Variants in STARD9 observed in about 807,000 individuals in gnomAD.
The protein encoded by STARD9 is stAR-related lipid transfer protein 9.
Under a neutral mutation model 399.8 loss-of-function variants are expected in STARD9, and 346 were observed. The observed-to-expected ratio is 0.87, with a 90% CI of 0.79 to 0.95. STARD9 has a LOEUF of 0.95. Among genes scored for constraint, STARD9 ranks in the 40% least tolerant of loss-of-function variants. The probability of loss-of-function intolerance (pLI) is 0.00; values close to 1 mark genes in which losing one functional copy is unlikely to be tolerated. For missense variants in STARD9, 5,832 were observed against 5,667.5 expected (o/e 1.03, Z -0.93); for synonymous variants, 2,203 against 2,143.5 (o/e 1.03, Z -0.77).
chr15:42,715,627 T>C (rs2061335765), intron 26 of STARD9, among the ~76,000 whole-genome samples: 2 of 151,928 alleles, frequency 1.3e-5, no homozygotes, highest in South Asian at 2.1e-4. Context: ...CTCAAGCGAT[T>C]CTCTCAAGTA....
intron 3 of STARD9, among the ~76,000 whole-genome samples, chr15:42,611,516 C>T (rs1433214672): frequency 6.6e-6 from 1 of 152,198 alleles, no homozygotes; most frequent in Non-Finnish European, 1.5e-5. Flanking sequence ...GACAGAGACA[C>T]AGCTTACCCT....
rs1327721709 is a variant in STARD9 at position 42,691,820 on chromosome 15, A to G, written c.10242A>G (p.Ser3414=). Residue 3414 remains serine (S), a synonymous_variant, in exon 23 of 33, where the codon TCA becomes TCG. Transcript: ENST00000290607. ...TPPYPMPSTL[S]HMPTPDFTTS... ...CTTATCCAATGCCTTCCACTCTCTC[A>G]CACATGCCAACCCCTGATTTCACGA... 3.3e-6 allele frequency: 5 copies of G among 1,537,200 alleles called. No individual in the cohort carries two copies. The South Asian group carries it at 5.9e-5, about 18-fold the overall frequency.
intron 3 of STARD9, among the ~76,000 whole-genome samples, chr15:42,622,496 T>G (rs1239718631): frequency 6.6e-6 from 1 of 152,098 alleles, no homozygotes; most frequent in Non-Finnish European, 1.5e-5. Context: ...GACTCTTGAT[T>G]AGCTGGGACT....
chr15:42,582,835 T>C (rs1270199987), intron 1 of STARD9, among the ~76,000 whole-genome samples: 1 of 152,166 alleles, frequency 6.6e-6, no homozygotes, highest in Non-Finnish European at 1.5e-5. Context: ...GTTGGGATTG[T>C]ATGTGTGAGC....
chr15:42,621,106 A>T (rs916208680), intron 3 of STARD9, among the ~76,000 whole-genome samples: 3 of 152,196 alleles, frequency 2.0e-5, no homozygotes, highest in Admixed American at 2.0e-4. Context: ...CATTCAGATT[A>T]TGTATCCTTG....
chr15:42,713,217 T>C (rs2061283416), intron 26 of STARD9, among the ~76,000 whole-genome samples: 1 of 152,262 alleles, frequency 6.6e-6, no homozygotes, highest in African/African-American at 2.4e-5. Context: ...GGAATTGTTT[T>C]CACTTCATTT....
chr15:42,719,047 C>T, intron 32 of STARD9, 137 bp downstream of exon 32: 2 of 721,210 alleles, frequency 2.8e-6, no homozygotes, highest in East Asian at 2.7e-5. Flanking sequence ...TTGAGGGCTT[C>T]CTGGGCTTTT....
chr15:42,692,487 A>G lies in STARD9; in HGVS notation c.10909A>G (p.Thr3637Ala). 4 of 1,537,098 alleles carry G rather than the reference A, an allele frequency of 2.6e-6. No individual in the cohort carries two copies. Among genetic ancestry groups the G allele is most frequent in the Non-Finnish European group, 3.5e-6 (4 of 1,146,902 alleles). The stretch of plus-strand genomic sequence containing the variant: ...CCCTGTGGGACAGACCAGGACGAAC[A>G]CATTCGAACAGGGCACACAGACCCT... ...GCPVGQTRTN[T>A]FEQGTQTLGS... is the part of the protein sequence containing the mutation. The change falls in exon 23 of 33, where the codon ACA becomes GCA. Residue 3637 changes from threonine to alanine, a missense_variant. By Grantham distance (58) the Thr-to-Ala change is moderately conservative (BLOSUM62 0). Coordinates refer to ENST00000290607, the MANE Select transcript of STARD9 (RefSeq NM_020759.3).
chr15:42,575,832 C>T, intron 1 of STARD9, 70 bp downstream of exon 1: 3 of 1,463,324 alleles, frequency 2.1e-6, no homozygotes, highest in Non-Finnish European at 2.8e-6. Flanking sequence ...CCGCGTCTCC[C>T]CCTGCAGAGA....
intron 18 of STARD9, 63 bp downstream of exon 18, chr15:42,675,027 G>C: frequency 1.4e-6 from 2 of 1,421,446 alleles, no homozygotes; most frequent in Non-Finnish European, 1.8e-6. Flanking sequence ...AGTTTCATGG[G>C]CCCAAAGAGC....
At chr15:42,582,175 C>A (rs1464575254) in intron 1 of STARD9, among the ~76,000 whole-genome samples, 1 of 152,148 alleles carries the variant, frequency 6.6e-6, no homozygotes, top group Non-Finnish European at 1.5e-5. Context: ...TCTAAAGACC[C>A]CTGTCTCACT....
At chr15:42,612,124 T>A (rs1268565730) in intron 3 of STARD9, among the ~76,000 whole-genome samples, 2 of 152,148 alleles carry the variant, frequency 1.3e-5, no homozygotes, top group South Asian at 4.1e-4. Context: ...ACTACAAGCA[T>A]GTTCCACCAC....
At chr15:42,649,567 T>C (rs2059716073) in intron 7 of STARD9, among the ~76,000 whole-genome samples, 1 of 152,090 alleles carries the variant, frequency 6.6e-6, no homozygotes, top group Non-Finnish European at 1.5e-5. Flanking sequence ...AGTTACTTTT[T>C]TTTTTTTTTG....
chr15:42,709,993 G>T lies in STARD9; in HGVS notation c.13285-6684G>T, dbSNP rs79313070. On this transcript the variant is annotated intron_variant, in intron 26 of 32. Transcript: ENST00000290607. Reference sequence around the variant, plus strand: ...CATTATTAATTTCATTGTTCAACTTGTTCCAGCTTTAATTATTTGGAGTTC... The same window carrying T: ...CATTATTAATTTCATTGTTCAACTTTTTCCAGCTTTAATTATTTGGAGTTC... 9.6e-3 allele frequency among the ~76,000 whole-genome samples: 1,418 copies of T among 148,008 alleles called. 40 individuals carry two copies. The highest frequency in any genetic ancestry group is 0.084 in the South Asian group (394 of 4,688).
intron 6 of STARD9, 95 bp downstream of exon 6, chr15:42,638,182 C>A: frequency 9.1e-7 from 1 of 1,100,666 alleles, no homozygotes; most frequent in South Asian, 1.4e-5. Context: ...CCAGAGTCAC[C>A]ACAGGGATGG....
In STARD9 at chr15:42,688,726, A is replaced by G. The variant is rs555144614; in HGVS notation, c.7148A>G (p.Gln2383Arg). Reference protein sequence around the residue: ...PLVTGVEHQDQSTETRSHSPE... With the variant: ...PLVTGVEHQDRSTETRSHSPE... ...GTAACTGGAGTAGAGCATCAGGACC[A>G]GAGTACGGAGACCAGAAGCCACAGC... Residue 2383 changes from glutamine (Q) to arginine (R), a missense_variant, in exon 23 of 33, where the codon CAG (glutamine) becomes CGG (arginine). Physicochemically the swap from Gln to Arg is conservative, Grantham distance 43. Transcript: ENST00000290607. 3 of 1,537,792 alleles carry G rather than the reference A, an allele frequency of 2.0e-6. No individual in the cohort carries two copies. Among genetic ancestry groups the G allele is most frequent in the East Asian group, 2.4e-5 (1 of 40,916 alleles).
rs532581257 is a variant in STARD9, at chr15:42,667,234, G to T, written c.1317+1386G>T. Among the ~76,000 whole-genome samples the T allele has an allele frequency of 2.6e-5, 4 of 152,126 alleles. No homozygotes were observed. The East Asian group carries it at 7.7e-4, about 29-fold the overall frequency. The stretch of plus-strand genomic sequence containing the variant: ...GAGTCTCACCCTGTCACCCAGGCTG[G>T]AGTGCAATGGTGCGATCTCAGCTCA... On this transcript the variant is annotated intron_variant, in intron 15 of 32. Transcript: ENST00000290607.
At position 42,575,740 on chromosome 15, in the gene STARD9, C is replaced by G. The variant is rs1209162800; in HGVS notation, c.25C>G (p.Arg9Gly). MANVQVAV[R>G]VRPLSKRETK... ...GATGGCGAACGTGCAGGTCGCCGTG[C>G]GGGTCCGGCCGCTCAGCAAGAGGTG... Residue 9 changes from arginine (R) to glycine (G), a missense_variant, in exon 1 of 33, where the codon CGG becomes GGG. Coordinates refer to ENST00000290607, the MANE Select transcript of STARD9 (RefSeq NM_020759.3). The G allele has an allele frequency of 2.0e-6, 3 of 1,536,680 alleles. No homozygotes were observed. In the East Asian group the frequency reaches 7.3e-5, roughly 38 times the overall value.
At chr15:42,715,021 C>G (rs1566968374) in intron 26 of STARD9, among the ~76,000 whole-genome samples, 1 of 151,342 alleles carries the variant, frequency 6.6e-6, no homozygotes, top group Non-Finnish European at 1.5e-5. Context: ...AAAATAGGGC[C>G]TAGGCCTGAA....
Sources: allele counts gnomAD v4.1 joint callset (sites outside exome capture counted in the v4.1 genomes callset), GRCh38; gene constraint gnomAD v4.1.1; transcripts MANE v1.5; gene names NCBI Gene and HGNC (gene_info 2026-07-23, HGNC 2026-07-21).